Variants in MAGI2 observed in about 807,000 individuals in gnomAD.
The protein encoded by MAGI2 is membrane-associated guanylate kinase, WW and PDZ domain-containing protein 2.
Under a neutral mutation model 133.3 loss-of-function variants are expected in MAGI2, and 35 were observed. That is an observed-to-expected ratio of 0.26 (90% CI 0.20 to 0.35). The LOEUF is 0.35. Among genes scored for constraint, MAGI2 ranks in the 10% least tolerant of loss-of-function variants. MAGI2 has a pLI of 1.00. For missense variants in MAGI2, 1,636 were observed against 1,863.4 expected, an observed-to-expected ratio of 0.88 and a Z score of 2.25; for synonymous variants, 729 against 710.6, an observed-to-expected ratio of 1.03 and a Z score of -0.41.
chr7:78,460,941 A>AACAC (rs5885065), intron 6 of MAGI2, among the ~76,000 whole-genome samples: 6 of 150,364 alleles, frequency 4.0e-5, no homozygotes, highest in East Asian at 4.0e-4. Context: ...GATCTGGTAA[A>AACAC]ACACACACAC....
rs527335247 is a variant in MAGI2, at chr7:78,667,382, T to A, written c.419-40143A>T. 3.6e-3 allele frequency among the ~76,000 whole-genome samples: 548 copies of A among 151,680 alleles called. 3 individuals are homozygous for A. Among genetic ancestry groups the A allele is most frequent in the African/African-American group, 0.012 (490 of 41,468 alleles). ...TTTTTGAGATTCTTTTTTTTTTAAT[T>A]TTTTAAAAAATTTTATTATTATTAT... On this transcript the variant is annotated intron_variant, in intron 2 of 21. Transcript: ENST00000354212.
At chr7:78,802,602 G>C (rs558573148) in intron 2 of MAGI2, among the ~76,000 whole-genome samples, 3 of 152,242 alleles carry the variant, frequency 2.0e-5, no homozygotes, top group African/African-American at 7.2e-5. Flanking sequence ...AAACTACTCA[G>C]TATAGTACTA....
intron 6 of MAGI2, among the ~76,000 whole-genome samples, chr7:78,463,609 C>T (rs141568554): frequency 0.011 from 1,715 of 152,132 alleles, 18 homozygotes; most frequent in Non-Finnish European, 0.015. Context: ...GGAATATAAG[C>T]GGGAGAGCAA....
chr7:79,185,571 C>T (rs923541042), intron 1 of MAGI2, among the ~76,000 whole-genome samples: 1 of 135,272 alleles, frequency 7.4e-6, no homozygotes, highest in Non-Finnish European at 1.5e-5. Flanking sequence ...AGCAGGTATT[C>T]AATGGCGTTT....
chr7:78,019,601 G>A lies in MAGI2; in HGVS notation c.4082C>T (p.Ala1361Val), dbSNP rs1052884000. 4 of 980,990 alleles carry A rather than the reference G, an allele frequency of 4.1e-6. No individual in the cohort carries two copies. The highest frequency in any genetic ancestry group is 1.2e-4 in the East Asian group (1 of 8,610). The allele number at this position is 980,990 out of a possible 1,614,324, so 60.8% of individuals were successfully genotyped here. The change falls in exon 22 of 22, where the codon GCG becomes GTG. Residue 1361 changes from alanine (A) to valine (V), a missense_variant. Ala to Val is a moderately conservative substitution (Grantham distance 64). Around this residue, in one of 5 missense-constraint regions of MAGI2, gnomAD observed 354 missense variants for 298.7 expected, o/e 1.19. Coordinates refer to ENST00000354212, the MANE Select transcript of MAGI2 (RefSeq NM_012301.4). ...GGGCGCCTCCTTCCCGCCCGCCCGCGCCGCGTCCGCCGCGTCTGCCGCCGC... is the reference window on the plus strand; with the variant it reads ...GGGCGCCTCCTTCCCGCCCGCCCGCACCGCGTCCGCCGCGTCTGCCGCCGC... ...GLAAADAADA[A>V]RAGGKEAPRA...
At chr7:78,271,250 G>A (rs904428902) in intron 9 of MAGI2, among the ~76,000 whole-genome samples, 7 of 151,802 alleles carry the variant, frequency 4.6e-5, no homozygotes, top group African/African-American at 1.4e-4. Flanking sequence ...CATTGGTTCC[G>A]TTTATGTGAT....
At chr7:78,358,073 G>GCTGGGCGTGATC (rs1792282700) in intron 7 of MAGI2, among the ~76,000 whole-genome samples, 1 of 146,150 alleles carries the variant, frequency 6.8e-6, no homozygotes, top group Non-Finnish European at 1.5e-5. Context: ...ATATCTCTGG[G>GCTGGGCGTGATC]CTGGGCGTGA....
chr7:78,077,328 T>C (rs896477146), intron 21 of MAGI2, among the ~76,000 whole-genome samples: 7 of 152,120 alleles, frequency 4.6e-5, no homozygotes, highest in African/African-American at 1.7e-4. Context: ...GGTTATTCTA[T>C]TCCAAGAGTT....
At chr7:78,917,992 C>T (rs1798931306) in intron 2 of MAGI2, among the ~76,000 whole-genome samples, 1 of 152,112 alleles carries the variant, frequency 6.6e-6, no homozygotes, top group Non-Finnish European at 1.5e-5. Flanking sequence ...CTCTCCAAAT[C>T]TCATTGTTCA....
chr7:79,083,423 T>C (rs1816227101), intron 1 of MAGI2, among the ~76,000 whole-genome samples: 1 of 151,544 alleles, frequency 6.6e-6, no homozygotes, highest in Non-Finnish European at 1.5e-5. Context: ...TTTTTCTACA[T>C]ATATTGAAAA....
At chr7:78,308,109 C>G (rs1473757013) in intron 9 of MAGI2, among the ~76,000 whole-genome samples, 1 of 152,176 alleles carries the variant, frequency 6.6e-6, no homozygotes, top group Non-Finnish European at 1.5e-5. Context: ...AGCATTTTCC[C>G]CTACCCTGTT....
At chr7:78,756,919 G>C (rs1005859029) in intron 2 of MAGI2, among the ~76,000 whole-genome samples, 2 of 152,130 alleles carry the variant, frequency 1.3e-5, no homozygotes, top group Admixed American at 6.5e-5. Flanking sequence ...AAAGTGGCTA[G>C]AGAAAAATGA....
chr7:78,740,736 G>A (rs1822334400), intron 2 of MAGI2, among the ~76,000 whole-genome samples: 1 of 152,148 alleles, frequency 6.6e-6, no homozygotes, highest in African/African-American at 2.4e-5. Flanking sequence ...ACCTAATTAT[G>A]TTCTTTATCT....
intron 10 of MAGI2, among the ~76,000 whole-genome samples, chr7:78,212,194 ATTGT>A (rs1787829747): frequency 6.6e-6 from 1 of 152,198 alleles, no homozygotes; most frequent in Non-Finnish European, 1.5e-5. Flanking sequence ...TCCTCAAATA[ATTGT>A]TTGGTGTGAT....
intron 3 of MAGI2, among the ~76,000 whole-genome samples, chr7:78,622,807 A>G (rs1234334812): frequency 6.6e-6 from 1 of 151,960 alleles, no homozygotes; most frequent in African/African-American, 2.4e-5. Context: ...GAGAAAAGAG[A>G]TTCTTATTAA....
At chr7:78,085,125 AAC>A (rs1314325761) in intron 20 of MAGI2, among the ~76,000 whole-genome samples, 1 of 152,188 alleles carries the variant, frequency 6.6e-6, no homozygotes, top group Non-Finnish European at 1.5e-5. Context: ...TGGAAACTGA[AAC>A]ACATGTTTGA....
At chr7:79,094,865 G>C (rs1225865734) in intron 1 of MAGI2, among the ~76,000 whole-genome samples, 1 of 152,148 alleles carries the variant, frequency 6.6e-6, no homozygotes, top group African/African-American at 2.4e-5. Flanking sequence ...TCTAGGCTTT[G>C]TTTTTCAATT....
chr7:79,067,021 A>C (rs1471819516), intron 1 of MAGI2, among the ~76,000 whole-genome samples: 1 of 152,106 alleles, frequency 6.6e-6, no homozygotes, highest in African/African-American at 2.4e-5. Flanking sequence ...CACTTGTAGT[A>C]TAGTTTGAAA....
At chr7:78,994,314 G>A (rs188925759) in intron 2 of MAGI2, among the ~76,000 whole-genome samples, 7 of 152,106 alleles carry the variant, frequency 4.6e-5, no homozygotes, top group African/African-American at 1.7e-4. Flanking sequence ...ACCTCCAGAT[G>A]AGAATGAGAG....
Sources: allele counts gnomAD v4.1 joint callset (sites outside exome capture counted in the v4.1 genomes callset), GRCh38; gene constraint gnomAD v4.1.1; regional missense constraint gnomAD v4.1.1; transcripts MANE v1.5; gene names NCBI Gene and HGNC (gene_info 2026-07-23, HGNC 2026-07-21).